The following TNK2 variants were observed in gnomAD, a reference collection of about 807,000 sequenced individuals.
TNK2 encodes the protein activated CDC42 kinase 1.
A neutral mutation model predicts 101.8 loss-of-function variants in TNK2; 83 were observed. That is an observed-to-expected ratio of 0.82 (90% confidence interval 0.68 to 0.98). The LOEUF (loss-of-function observed/expected upper bound fraction) is 0.98, where lower values mean the gene tolerates loss of function less well. Among genes scored for constraint, TNK2 ranks in the 50% least tolerant of loss-of-function variants. The probability of loss-of-function intolerance (pLI) is 0.00; values close to 1 mark genes in which losing one functional copy is unlikely to be tolerated. For synonymous variants in TNK2, 804 were observed against 633.0 expected (o/e 1.27, Z -4.06); for missense variants, 1,665 against 1,483.2 (o/e 1.12, Z -2.01).
chr3:195,906,887 G>T (rs756779689), intron 1 of TNK2, among the ~76,000 whole-genome samples: 1 of 152,134 alleles, frequency 6.6e-6, no homozygotes. Flanking sequence ...AACATCTGCC[G>T]GGGCTCCGGG....
rs867181324 is a variant in TNK2, at chr3:195,888,448, C to T, written c.141G>A (p.Glu47=). ...HFEYVKNEDL[E]KIGMGRPGQR... ...TACCAGGCCGACCCATGCCGATCTT[C>T]TCCAGGTCCTCATTCTTGACGTACT... The change falls in exon 2 of 16, where the codon GAG becomes GAA. Residue 47 remains glutamate, a synonymous_variant. Transcript: ENST00000672887. The surrounding 1 kb of genome is among the most constrained non-coding windows in gnomAD (Gnocchi z 5.3). 2.5e-6 allele frequency: 4 copies of T among 1,613,890 alleles called. No homozygotes were observed. Among genetic ancestry groups the T allele is most frequent in the Non-Finnish European group, 3.4e-6 (4 of 1,179,938 alleles).
Position 195,882,773 on chromosome 3 carries a change from G to A in TNK2, c.609+384C>T, listed in dbSNP as rs55800940. On this transcript the variant is annotated intron_variant, in intron 5 of 15. Transcript: ENST00000672887. This position sits in a 1 kb window ranked among gnomAD's most constrained non-coding sequence, Gnocchi z 4.2. Reference sequence around the variant, plus strand: ...CTTGGAAGCCTGAGGCAGGAATATCGCGTGAACCCAGGAGGCCGAGGTTGC... The same window carrying A: ...CTTGGAAGCCTGAGGCAGGAATATCACGTGAACCCAGGAGGCCGAGGTTGC... Among the ~76,000 whole-genome samples the A allele has an allele frequency of 7.3e-3, 1,114 of 152,286 alleles. 5 individuals carry two copies. Among genetic ancestry groups the A allele is most frequent in the Non-Finnish European group, 0.013 (905 of 68,014 alleles).
At chr3:195,867,101 G>A in intron 14 of TNK2, 68 bp downstream of exon 14, 7 of 1,607,274 alleles carry the variant, frequency 4.4e-6, no homozygotes, top group South Asian at 1.1e-5. Flanking sequence ...CAGGGGGCGT[G>A]GGGCTGGGGG....
At chr3:195,872,987 G>A (rs954060043) in intron 9 of TNK2, among the ~76,000 whole-genome samples, 3 of 152,136 alleles carry the variant, frequency 2.0e-5, no homozygotes, top group African/African-American at 7.2e-5. Flanking sequence ...ACTAGGCTGG[G>A]GGCCAGGCCT....
Position 195,885,389 on chromosome 3 carries a change from C to G in TNK2, c.235-356G>C. On this transcript the variant is annotated intron_variant, in intron 3 of 15. Transcript: ENST00000672887. The surrounding 1 kb of genome is among the most constrained non-coding windows in gnomAD (Gnocchi z 4.7). ...CCCCACCCTCCCTTCCTGCACCCGC[C>G]ACCCCGCAGACTCCAGCCCTAACCC... 7.4e-7 allele frequency: 1 copy of G among 1,345,010 alleles called. No homozygotes were observed. The highest frequency in any genetic ancestry group is 2.3e-5 in the Admixed American group (1 of 43,868). The allele number at this position is 1,345,010 out of a possible 1,614,324, so 83.3% of individuals were successfully genotyped here. A position where few individuals can be genotyped will look rare whatever the true frequency, so the allele number is the denominator to read the frequency against.
chr3:195,875,553 C>G (rs539970865), intron 9 of TNK2, among the ~76,000 whole-genome samples: 1 of 152,194 alleles, frequency 6.6e-6, no homozygotes, highest in Non-Finnish European at 1.5e-5. Context: ...CGTGTCACTT[C>G]TCGCAGCCCA....
chr3:195,881,966 G>C, intron 6 of TNK2, 85 bp downstream of exon 6: 2 of 1,500,112 alleles, frequency 1.3e-6, no homozygotes, highest in South Asian at 2.6e-5. Context: ...GCAAAACCAG[G>C]GGCTGTGGTG....
rs150715337 is a variant in TNK2, at chr3:195,884,890, C to T, written c.378G>A (p.Leu126=). 7.9e-5 allele frequency: 127 copies of T among 1,614,080 alleles called. No individual in the cohort carries two copies. The African/African-American group carries it at 1.4e-3, about 17-fold the overall frequency. ...SLTCLIGEKD[L]RLLEKLGDGS... Reference sequence around the variant, plus strand: ...CATCACCCAGCTTCTCCAGGAGGCGCAGGTCCTTCTCCCCAATGAGGCAGG... The same window carrying T: ...CATCACCCAGCTTCTCCAGGAGGCGTAGGTCCTTCTCCCCAATGAGGCAGG... Residue 126 remains leucine, a synonymous_variant, in exon 4 of 16, where the codon CTG becomes CTA. Transcript: ENST00000672887.
chr3:195,892,680 A>AGGG, intron 1 of TNK2: 1 of 1,403,120 alleles, frequency 7.1e-7, no homozygotes, highest in Non-Finnish European at 9.3e-7. Context: ...CAGGGAGCAG[A>AGGG]GCTTTCCTCA....
At chr3:195,895,601 C>A (rs989199650) in intron 1 of TNK2, 7 of 1,307,578 alleles carry the variant, frequency 5.4e-6, no homozygotes, top group Non-Finnish European at 6.8e-6. Flanking sequence ...GCCAGCTGTG[C>A]CAGCCCCGGG....
At position 195,882,229 on chromosome 3, in the gene TNK2, C is replaced by T; in HGVS notation, c.709G>A (p.Ala237Thr). 1 of 1,613,844 alleles carries T rather than the reference C, an allele frequency of 6.2e-7. No individual in the cohort carries two copies. Among genetic ancestry groups the T allele is most frequent in the Non-Finnish European group, 8.5e-7 (1 of 1,180,028 alleles). Residue 237 changes from alanine to threonine, a missense_variant, in exon 6 of 16, where the codon GCT becomes ACT. Physicochemically the swap from Ala to Thr is moderately conservative, Grantham distance 58. Transcript: ENST00000672887. This position sits in a 1 kb window ranked among gnomAD's most constrained non-coding sequence, Gnocchi z 4.2. ...GACTCCAGGTAGCCCATGCCCTCAG[C>T]CACCTGCACAGCGTAGCGGCTCAGA... The part of the protein sequence containing the change: ...GTLSRYAVQV[A>T]EGMGYLESKR...
intron 9 of TNK2, chr3:195,872,719 T>C (rs111447911): frequency 2.0e-6 from 1 of 491,214 alleles, no homozygotes; most frequent in African/African-American, 2.0e-5. Flanking sequence ...GGTTTGCAAA[T>C]AAGGAGGCAC....
At chr3:195,871,304 T>C (rs1226703715) in intron 10 of TNK2, among the ~76,000 whole-genome samples, 1 of 152,064 alleles carries the variant, frequency 6.6e-6, no homozygotes, top group Admixed American at 6.5e-5. Context: ...CTCCCAGGTA[T>C]GGAGTGAGCT....
intron 4 of TNK2, chr3:195,883,807 T>C (rs1577072183): frequency 6.4e-6 from 1 of 155,390 alleles, no homozygotes; most frequent in Non-Finnish European, 1.4e-5. Context: ...AGAGATGGGG[T>C]TTCTCCATAT....
At chr3:195,884,459 A>G (rs1401990009) in intron 4 of TNK2, 1 of 194,730 alleles carries the variant, frequency 5.1e-6, no homozygotes, top group East Asian at 1.3e-4. Context: ...CCTGGCCAAC[A>G]TGGTGAAACC....
rs1753869206 is a variant in TNK2 at position 195,882,958 on chromosome 3, C to T, written c.609+199G>A. Among the ~76,000 whole-genome samples, 2 of 152,142 alleles carry T rather than the reference C, an allele frequency of 1.3e-5. No homozygotes were observed. Among genetic ancestry groups the T allele is most frequent in the African/African-American group, 4.8e-5 (2 of 41,422 alleles). On this transcript the variant is annotated intron_variant, in intron 5 of 15. Coordinates refer to ENST00000672887, the MANE Select transcript of TNK2 (RefSeq NM_001382273.1). This position sits in a 1 kb window ranked among gnomAD's most constrained non-coding sequence, Gnocchi z 4.2. ...CTTGACACTGAGCACCAGCAAAATC[C>T]AGAGACAGACCCGGACTGGACCGCA...
rs1753394753 is a variant in TNK2 at position 195,882,064 on chromosome 3, C to A, written c.874G>T (p.Val292Leu). The A allele has an allele frequency of 6.2e-7, 1 of 1,610,098 alleles. No homozygotes were observed. The highest frequency in any genetic ancestry group is 8.5e-7 in the Non-Finnish European group (1 of 1,177,136). ...DHYVMQEHRK[V>L]PFAWCAPESL... ...CCTGCCCCTCACCAGGCGAAGGGCA[C>A]CTTGCGATGTTCCTGCATGACGTAA... is the stretch of plus-strand genomic sequence containing the variant. Residue 292 changes from valine to leucine, a missense_variant, in exon 6 of 16, where the codon GTG (valine) becomes TTG (leucine). Around this residue, in one of 3 missense-constraint regions of TNK2, gnomAD observed 490 missense variants for 522.5 expected, o/e 0.94. Transcript: ENST00000672887. The surrounding 1 kb of genome is among the most constrained non-coding windows in gnomAD (Gnocchi z 4.2).
chr3:195,889,200 G>A (rs116603602), intron 1 of TNK2, among the ~76,000 whole-genome samples: 1 of 152,032 alleles, frequency 6.6e-6, no homozygotes, highest in Admixed American at 6.6e-5. Context: ...GCAAGCGGAA[G>A]ACAGGAGGGA....
intron 1 of TNK2, chr3:195,895,354 C>T (rs1188008876): frequency 3.2e-6 from 5 of 1,560,062 alleles, no homozygotes; most frequent in Non-Finnish European, 1.7e-6. Flanking sequence ...CCCGCAGCCC[C>T]CGCCCCGCAG....
Sources: gnomAD v4.1 joint callset for allele counts (sites outside exome capture counted in the v4.1 genomes callset) on GRCh38, gnomAD v4.1.1 for gene constraint, gnomAD v4.1.1 regional missense constraint, Gnocchi (gnomAD v3.1) non-coding constraint, MANE v1.5 for transcripts, NCBI Gene and HGNC (gene_info 2026-07-23, HGNC 2026-07-21) for gene names.